The following CNBD1 variants were observed in gnomAD, a reference collection of about 807,000 sequenced individuals.
CNBD1 encodes the protein cyclic nucleotide binding domain containing 1.
A neutral mutation model predicts 54.4 loss-of-function variants in CNBD1; 71 were observed. That is an observed-to-expected ratio of 1.30 (90% CI 1.08 to 1.59). The LOEUF is 1.59. CNBD1 is among the 40% of genes most tolerant of loss of function. CNBD1 has a pLI of 0.00. For synonymous variants in CNBD1, 182 were observed against 170.7 expected (o/e 1.07, Z -0.51); for missense variants, 659 against 518.0 (o/e 1.27, Z -2.64).
intron 10 of CNBD1, among the ~76,000 whole-genome samples, chr8:87,368,176 G>C (rs944622606): frequency 4.0e-5 from 6 of 151,466 alleles, no homozygotes; most frequent in African/African-American, 1.5e-4. Flanking sequence ...GAAAAGAAAA[G>C]AAAAGAAAAG....
At chr8:86,939,059 C>T (rs1809602777) in intron 3 of CNBD1, among the ~76,000 whole-genome samples, 1 of 151,902 alleles carries the variant, frequency 6.6e-6, no homozygotes, top group African/African-American at 2.4e-5. Context: ...ATGCTTAATT[C>T]TAGAAATATG....
At chr8:87,373,331 A>G (rs891032948) in intron 10 of CNBD1, among the ~76,000 whole-genome samples, 12 of 151,796 alleles carry the variant, frequency 7.9e-5, no homozygotes, top group Non-Finnish European at 1.8e-4. Flanking sequence ...GTAATATTGA[A>G]ATATATTGTT....
intron 4 of CNBD1, among the ~76,000 whole-genome samples, chr8:87,125,282 A>G (rs969051881): frequency 6.6e-6 from 1 of 151,790 alleles, no homozygotes; most frequent in Non-Finnish European, 1.5e-5. Flanking sequence ...GTAATAAAAA[A>G]ATCAATATTA....
intron 4 of CNBD1, among the ~76,000 whole-genome samples, chr8:87,059,529 C>A (rs562600584): frequency 4.6e-5 from 7 of 152,178 alleles, no homozygotes; most frequent in Non-Finnish European, 1.0e-4. Flanking sequence ...CCTCAGGAAA[C>A]TTAAAATCAT....
intron 4 of CNBD1, among the ~76,000 whole-genome samples, chr8:86,977,980 C>G (rs988279599): frequency 1.3e-5 from 2 of 152,052 alleles, no homozygotes; most frequent in Non-Finnish European, 2.9e-5. Flanking sequence ...TGCAAAAATA[C>G]TCAACAATAT....
chr8:87,316,872 A>G (rs2130895493), intron 8 of CNBD1, among the ~76,000 whole-genome samples: 1 of 151,936 alleles, frequency 6.6e-6, no homozygotes, highest in East Asian at 1.9e-4. Context: ...ATTAATCGAT[A>G]TGAATTTATT....
At chr8:87,361,600 TA>T in intron 10 of CNBD1, among the ~76,000 whole-genome samples, 1 of 151,656 alleles carries the variant, frequency 6.6e-6, no homozygotes, top group East Asian at 1.9e-4. Flanking sequence ...ACTCCAGTTA[TA>T]GGAAATTTAC....
chr8:87,343,241 C>A (rs2130921123), intron 8 of CNBD1, among the ~76,000 whole-genome samples: 1 of 152,222 alleles, frequency 6.6e-6, no homozygotes, highest in South Asian at 2.1e-4. Flanking sequence ...GCACTGATTT[C>A]ATATTGTTCA....
At chr8:87,184,904 C>T (rs1333980973) in intron 4 of CNBD1, among the ~76,000 whole-genome samples, 3 of 152,082 alleles carry the variant, frequency 2.0e-5, no homozygotes, top group African/African-American at 4.8e-5. Flanking sequence ...GTTGCATCTC[C>T]AAGTTTTAAT....
chr8:87,044,217 T>G (rs1384271315), intron 4 of CNBD1, among the ~76,000 whole-genome samples: 1 of 152,126 alleles, frequency 6.6e-6, no homozygotes, highest in Non-Finnish European at 1.5e-5. Flanking sequence ...TGTGGGTTTT[T>G]TTTTTGTTTT....
chr8:87,346,450 G>T (rs137888860), intron 8 of CNBD1, among the ~76,000 whole-genome samples: 1 of 151,396 alleles, frequency 6.6e-6, no homozygotes, highest in Non-Finnish European at 1.5e-5. Flanking sequence ...TTTCTATTTG[G>T]TTATTTTTTG....
At chr8:87,216,108 C>T (rs1814206307) in intron 5 of CNBD1, among the ~76,000 whole-genome samples, 1 of 152,082 alleles carries the variant, frequency 6.6e-6, no homozygotes. Context: ...TGAATAATAT[C>T]CTCTTATGTA....
intron 6 of CNBD1, among the ~76,000 whole-genome samples, chr8:87,271,609 A>G (rs1253893963): frequency 6.6e-6 from 1 of 151,936 alleles, no homozygotes; most frequent in Non-Finnish European, 1.5e-5. Context: ...AGAATAACAG[A>G]CGCTGTTGAG....
chr8:87,339,017 G>A (rs991338761), intron 8 of CNBD1, among the ~76,000 whole-genome samples: 1 of 152,086 alleles, frequency 6.6e-6, no homozygotes, highest in Non-Finnish European at 1.5e-5. Context: ...CCTAAAATGG[G>A]CTACAGTTTG....
At chr8:87,330,023 A>G (rs1022745000) in intron 8 of CNBD1, among the ~76,000 whole-genome samples, 3 of 151,992 alleles carry the variant, frequency 2.0e-5, no homozygotes, top group African/African-American at 7.2e-5. Context: ...TTTTAACTGT[A>G]GGGTTTTTGT....
chr8:87,307,110 A>G (rs924514950), intron 8 of CNBD1, among the ~76,000 whole-genome samples: 6 of 152,176 alleles, frequency 3.9e-5, no homozygotes, highest in African/African-American at 9.6e-5. Flanking sequence ...TTGCAACTCA[A>G]TGTTTAGATC....
chr8:87,005,149 C>T (rs554195301), intron 4 of CNBD1, among the ~76,000 whole-genome samples: 2 of 151,206 alleles, frequency 1.3e-5, no homozygotes, highest in South Asian at 2.1e-4. Context: ...TTTGGGAGGC[C>T]GAGGCGGGTG....
At chr8:87,378,704 G>C (rs1204448337) in intron 10 of CNBD1, among the ~76,000 whole-genome samples, 1 of 151,030 alleles carries the variant, frequency 6.6e-6, no homozygotes, top group East Asian at 1.9e-4. Flanking sequence ...GGCATTGGTA[G>C]CTTGATGGAG....
At chr8:87,381,858 G>A (rs1811081990) in intron 10 of CNBD1, among the ~76,000 whole-genome samples, 1 of 151,754 alleles carries the variant, frequency 6.6e-6, no homozygotes, top group African/African-American at 2.4e-5. Context: ...TGGGAAATGG[G>A]AACCTACTAA....
Sources: gnomAD v4.1 joint callset for allele counts (sites outside exome capture counted in the v4.1 genomes callset) on GRCh38, gnomAD v4.1.1 for gene constraint, MANE v1.5 for transcripts, NCBI Gene and HGNC (gene_info 2026-07-23, HGNC 2026-07-21) for gene names.